The following ST8SIA2 variants were observed in gnomAD, a reference collection of about 807,000 sequenced individuals.
ST8SIA2 encodes alpha-2,8-sialyltransferase 8B.
Under a neutral mutation model 37.6 loss-of-function variants are expected in ST8SIA2, and 22 were observed. The ratio of observed to expected loss-of-function variants is 0.58; its 90% CI spans 0.42 to 0.83. ST8SIA2 has a LOEUF of 0.83. Ranked by LOEUF, ST8SIA2 falls within the 40% of genes least tolerant of loss-of-function variation. ST8SIA2 has a pLI of 0.00. For missense variants in ST8SIA2, 382 were observed against 484.7 expected (o/e 0.79, Z 1.99); for synonymous variants, 205 against 201.2 (o/e 1.02, Z -0.16).
chr15:92,412,933 C>T (rs916026718), intron 1 of ST8SIA2, among the ~76,000 whole-genome samples: 3 of 152,178 alleles, frequency 2.0e-5, no homozygotes, highest in Admixed American at 2.0e-4. Context: ...GCTGGGATTA[C>T]AGGCGTGAGC....
rs536288001 is a variant in ST8SIA2 at position 92,461,069 on chromosome 15, G to A, written c.843-3031G>A. The stretch of plus-strand genomic sequence containing the variant: ...GGGGCATGAAATGGGCCTTTCAAAC[G>A]AGACATTTAGCCCAGAGCTCAGAGC... On this transcript the variant is annotated intron_variant, in intron 5 of 5. Transcript: ENST00000268164. 2.6e-5 allele frequency among the ~76,000 whole-genome samples: 4 copies of A among 152,286 alleles called. No individual in the cohort carries two copies. The East Asian group carries it at 5.8e-4, about 22-fold the overall frequency.
chr15:92,452,768 A>T (rs1170170501), intron 5 of ST8SIA2, among the ~76,000 whole-genome samples: 1 of 152,180 alleles, frequency 6.6e-6, no homozygotes, highest in Non-Finnish European at 1.5e-5. Context: ...ATCGAAGGGG[A>T]CAAATGTTGA....
intron 4 of ST8SIA2, among the ~76,000 whole-genome samples, chr15:92,444,154 C>G (rs899758957): frequency 1.3e-5 from 2 of 152,260 alleles, no homozygotes; most frequent in South Asian, 4.1e-4. Flanking sequence ...CTGTTGTGAT[C>G]TCTATCAAAG....
At chr15:92,399,564 C>T (rs2049455346) in intron 1 of ST8SIA2, among the ~76,000 whole-genome samples, 1 of 152,164 alleles carries the variant, frequency 6.6e-6, no homozygotes, top group African/African-American at 2.4e-5. Context: ...TCCAGGCACT[C>T]TGTAAGAAGT....
At chr15:92,419,093 A>C (rs2049611404) in intron 1 of ST8SIA2, among the ~76,000 whole-genome samples, 3 of 152,168 alleles carry the variant, frequency 2.0e-5, no homozygotes, top group African/African-American at 4.8e-5. Context: ...GGTGGGAACC[A>C]GACCCAGGGA....
At chr15:92,418,542 T>C (rs1489993786) in intron 1 of ST8SIA2, among the ~76,000 whole-genome samples, 1 of 151,952 alleles carries the variant, frequency 6.6e-6, no homozygotes, top group Non-Finnish European at 1.5e-5. Flanking sequence ...TCTTAATATT[T>C]TTAATTGATG....
Position 92,393,908 on chromosome 15 carries a change from G to A in ST8SIA2, c.-157G>A. On this transcript the variant is annotated 5_prime_UTR_variant, in exon 1 of 6. Transcript: ENST00000268164. ...GCAACCCCTGCCTGTCGCTGCCGCT[G>A]CCGCTGCCGCTGCCGCCGCCGGCCC... The A allele has an allele frequency of 3.7e-6, 1 of 267,056 alleles. No homozygotes were observed. The allele number at this position is 267,056 out of a possible 1,614,324, so 16.5% of individuals were successfully genotyped here.
At chr15:92,411,003 G>A (rs2049544622) in intron 1 of ST8SIA2, among the ~76,000 whole-genome samples, 1 of 152,218 alleles carries the variant, frequency 6.6e-6, no homozygotes, top group Admixed American at 6.5e-5. Flanking sequence ...CTCTGGCAGT[G>A]CCTAGAGGTG....
At position 92,427,260 on chromosome 15, in the gene ST8SIA2, C is replaced by CA. The variant is rs55783719; in HGVS notation, c.99-2769dup. 5.0e-3 allele frequency among the ~76,000 whole-genome samples: 512 copies of CA among 102,214 alleles called. 4 individuals carry two copies. Among genetic ancestry groups the CA allele is most frequent in the South Asian group, 0.013 (39 of 2,992 alleles). 67.1% of individuals were successfully genotyped at this position (102,214 alleles called of 152,430 possible). ...AGCTGGTGGGAGGTTGGGCACTTGG[C>CA]AAAAAAAAAAAAAAAAAAAAGCAAA... On this transcript the variant is annotated intron_variant, in intron 1 of 5. Coordinates refer to ENST00000268164, the MANE Select transcript of ST8SIA2 (RefSeq NM_006011.4).
At chr15:92,417,246 T>C (rs1340079799) in intron 1 of ST8SIA2, among the ~76,000 whole-genome samples, 3 of 152,126 alleles carry the variant, frequency 2.0e-5, no homozygotes, top group African/African-American at 7.2e-5. Context: ...CCTCCTTCCA[T>C]CTGACACCAA....
At chr15:92,445,252 G>A (rs777446618) in intron 5 of ST8SIA2, 19 of 452,926 alleles carry the variant, frequency 4.2e-5, no homozygotes, top group Non-Finnish European at 6.1e-5. Context: ...ATGGCGGCTG[G>A]CAAGTCACAT....
At chr15:92,461,356 A>G (rs554688983) in intron 5 of ST8SIA2, among the ~76,000 whole-genome samples, 1 of 152,274 alleles carries the variant, frequency 6.6e-6, no homozygotes, top group African/African-American at 2.4e-5. Context: ...CCCCAAAAAT[A>G]TATATCTCTT....
intron 1 of ST8SIA2, chr15:92,421,412 A>T (rs1404046726): frequency 1.3e-5 from 2 of 152,232 alleles, no homozygotes; most frequent in East Asian, 3.8e-4. Context: ...TTGTTATTAC[A>T]TGGCTTGTCC....
chr15:92,430,388 A>G (rs905979093), intron 2 of ST8SIA2, among the ~76,000 whole-genome samples: 1 of 152,234 alleles, frequency 6.6e-6, no homozygotes, highest in African/African-American at 2.4e-5. Flanking sequence ...TGGGACACCA[A>G]TGAGCTTACT....
intron 5 of ST8SIA2, among the ~76,000 whole-genome samples, chr15:92,458,362 A>G (rs2049933946): frequency 1.3e-5 from 2 of 152,228 alleles, no homozygotes; most frequent in Admixed American, 1.3e-4. Context: ...CTATCGGGCC[A>G]GAACTAGTCA....
intron 5 of ST8SIA2, among the ~76,000 whole-genome samples, chr15:92,459,626 T>C (rs982326882): frequency 6.6e-5 from 10 of 152,158 alleles, no homozygotes; most frequent in Non-Finnish European, 1.3e-4. Flanking sequence ...TGAGATGGAG[T>C]CTCGCTCTTG....
intron 5 of ST8SIA2, among the ~76,000 whole-genome samples, chr15:92,445,487 C>T (rs1194137813): frequency 6.6e-6 from 1 of 152,192 alleles, no homozygotes; most frequent in Non-Finnish European, 1.5e-5. Context: ...ATCTTTATGT[C>T]TCAGTGCAAT....
In ST8SIA2 at chr15:92,464,682, T is replaced by C. The variant is rs912757230; in HGVS notation, c.*297T>C. 9.5e-6 allele frequency: 4 copies of C among 421,486 alleles called. No homozygotes were observed. Among genetic ancestry groups the C allele is most frequent in the Non-Finnish European group, 1.7e-5 (4 of 231,502 alleles). The allele number at this position is 421,486 out of a possible 1,614,324, so 26.1% of individuals were successfully genotyped here. On this transcript the variant is annotated 3_prime_UTR_variant, in exon 6 of 6. Coordinates refer to ENST00000268164, the MANE Select transcript of ST8SIA2 (RefSeq NM_006011.4). ...TCTTTGGGGGTGGAAGGACTTGACATGAAAAGAAGCCAGTCCCATGACTTT... is the reference window on the plus strand; with the variant it reads ...TCTTTGGGGGTGGAAGGACTTGACACGAAAAGAAGCCAGTCCCATGACTTT...
At chr15:92,426,577 G>A (rs553755253) in intron 1 of ST8SIA2, among the ~76,000 whole-genome samples, 2 of 152,292 alleles carry the variant, frequency 1.3e-5, no homozygotes, top group African/African-American at 2.4e-5. Flanking sequence ...GAGAAAGGCT[G>A]GAGCCAGCTA....
Sources: gnomAD v4.1 joint callset for allele counts (sites outside exome capture counted in the v4.1 genomes callset) on GRCh38, gnomAD v4.1.1 for gene constraint, MANE v1.5 for transcripts, NCBI Gene and HGNC (gene_info 2026-07-23, HGNC 2026-07-21) for gene names.